Variants in CDH13 observed in about 807,000 individuals in gnomAD.
CDH13 encodes the protein cadherin 13, also known as cadherin-13.
In CDH13, 24 loss-of-function variants were observed where a neutral mutation model predicts 63.8. That is an observed-to-expected ratio of 0.38 (90% CI 0.27 to 0.53). The LOEUF is 0.53. Among genes scored for constraint, CDH13 ranks in the 20% least tolerant of loss-of-function variants. The pLI, the probability that CDH13 is intolerant of heterozygous loss-of-function variation, is 0.85. For synonymous variants in CDH13, 503 were observed against 355.3 expected, an observed-to-expected ratio of 1.42 and a Z score of -4.67; for missense variants, 1,049 against 903.1, an observed-to-expected ratio of 1.16 and a Z score of -2.07.
At chr16:83,608,746 A>C (rs902387340) in intron 8 of CDH13, among the ~76,000 whole-genome samples, 1 of 150,932 alleles carries the variant, frequency 6.6e-6, no homozygotes, top group African/African-American at 2.4e-5. Context: ...GGGCCCAAGC[A>C]ATCCACCCAC....
At chr16:82,702,674 C>T (rs867896225) in intron 1 of CDH13, among the ~76,000 whole-genome samples, 1 of 152,102 alleles carries the variant, frequency 6.6e-6, no homozygotes, top group Non-Finnish European at 1.5e-5. Context: ...TAATTGTCCC[C>T]CTCAATTCTG....
At chr16:83,407,920 C>G (rs1410881107) in intron 6 of CDH13, among the ~76,000 whole-genome samples, 1 of 152,144 alleles carries the variant, frequency 6.6e-6, no homozygotes, top group African/African-American at 2.4e-5. Context: ...CCATTTGCTT[C>G]TTGATTTCTT....
chr16:83,286,033 A>G lies in CDH13; in HGVS notation c.637-58829A>G, dbSNP rs368698359. 1.5e-3 allele frequency among the ~76,000 whole-genome samples: 222 copies of G among 152,270 alleles called. 1 individual carries two copies. Among genetic ancestry groups the G allele is most frequent in the Middle Eastern group, 0.014 (4 of 294 alleles). On this transcript the variant is annotated intron_variant, in intron 5 of 13. Coordinates refer to ENST00000567109, the MANE Select transcript of CDH13 (RefSeq NM_001257.5). The stretch of plus-strand genomic sequence containing the variant: ...GCCGTTGCCCAAGAAATAATGGCTC[A>G]GCCATCTTTACCCTGTCTCAAATGC...
chr16:83,549,347 G>A (rs1171293711), intron 7 of CDH13, among the ~76,000 whole-genome samples: 1 of 152,200 alleles, frequency 6.6e-6, no homozygotes, highest in Non-Finnish European at 1.5e-5. Context: ...TAAAATATCA[G>A]CTAGAAAGGA....
At chr16:83,748,282 A>T in intron 11 of CDH13, 32 bp downstream of exon 11, 1 of 1,559,460 alleles carries the variant, frequency 6.4e-7, no homozygotes, top group Non-Finnish European at 8.7e-7. Context: ...TCAAGGGTAT[A>T]CTTTTCTGCT....
intron 3 of CDH13, among the ~76,000 whole-genome samples, chr16:83,115,756 G>C (rs1001510968): frequency 6.6e-6 from 1 of 152,222 alleles, no homozygotes; most frequent in Non-Finnish European, 1.5e-5. Flanking sequence ...AGTTTGCCCA[G>C]AAGTTATGAA....
intron 7 of CDH13, among the ~76,000 whole-genome samples, chr16:83,524,350 T>C (rs959906029): frequency 6.6e-6 from 1 of 152,094 alleles, no homozygotes; most frequent in Non-Finnish European, 1.5e-5. Flanking sequence ...TATTATGGGT[T>C]CTTTACAATT....
At chr16:82,861,106 G>A (rs979507591) in intron 2 of CDH13, among the ~76,000 whole-genome samples, 1 of 152,120 alleles carries the variant, frequency 6.6e-6, no homozygotes, top group Non-Finnish European at 1.5e-5. Flanking sequence ...ACCAGAAAAT[G>A]TTAAATGCAT....
At chr16:83,636,428 T>G (rs1204902999) in intron 8 of CDH13, among the ~76,000 whole-genome samples, 1 of 152,174 alleles carries the variant, frequency 6.6e-6, no homozygotes, top group Non-Finnish European at 1.5e-5. Context: ...TTTTTCAACC[T>G]TTGCTCCTTC....
chr16:83,259,429 T>C (rs969447471), intron 5 of CDH13, among the ~76,000 whole-genome samples: 1 of 152,174 alleles, frequency 6.6e-6, no homozygotes, highest in African/African-American at 2.4e-5. Flanking sequence ...CAGGTATGGC[T>C]GTACCCACCT....
chr16:83,629,430 A>G (rs1054766740), intron 8 of CDH13, among the ~76,000 whole-genome samples: 1 of 152,232 alleles, frequency 6.6e-6, no homozygotes, highest in African/African-American at 2.4e-5. Context: ...AGCACTGGCT[A>G]CATTACAAAT....
At chr16:82,829,988 T>C (rs1434227293) in intron 1 of CDH13, among the ~76,000 whole-genome samples, 1 of 152,236 alleles carries the variant, frequency 6.6e-6, no homozygotes, top group Admixed American at 6.5e-5. Context: ...CATTATTATT[T>C]GCTGAACTTT....
intron 10 of CDH13, among the ~76,000 whole-genome samples, chr16:83,678,881 C>G (rs935981945): frequency 3.9e-5 from 6 of 152,178 alleles, no homozygotes; most frequent in African/African-American, 1.4e-4. Flanking sequence ...TGTGGATTCG[C>G]AGATTCGTAG....
chr16:82,887,839 A>G (rs953990268), intron 2 of CDH13, among the ~76,000 whole-genome samples: 2 of 152,010 alleles, frequency 1.3e-5, no homozygotes, highest in Admixed American at 1.3e-4. Context: ...AAAAGAAAGG[A>G]GAAGAGTGTC....
rs764486619 is a variant in CDH13 at position 83,083,764 on chromosome 16, C to A, written c.367-41621C>A. On this transcript the variant is annotated intron_variant, in intron 3 of 13. Coordinates refer to ENST00000567109, the MANE Select transcript of CDH13 (RefSeq NM_001257.5). The stretch of plus-strand genomic sequence containing the variant: ...AAGCTTAGAACTTTCTTACTCTTAG[C>A]AGCTCACTAGTTGTTTAACATACCT... Among the ~76,000 whole-genome samples the A allele has an allele frequency of 2.0e-5, 3 of 152,334 alleles. No individual in the cohort carries two copies. The East Asian group carries it at 5.8e-4, about 29-fold the overall frequency.
chr16:82,653,117 C>A lies in CDH13; in HGVS notation c.45+25980C>A, dbSNP rs117212929. ...TTGGGAGTACAACCACTTTGGAAAC[C>A]CATTTTGTTAATTTACCTTTGATAG... On this transcript the variant is annotated intron_variant, in intron 1 of 13. Coordinates refer to ENST00000567109, the MANE Select transcript of CDH13 (RefSeq NM_001257.5). 1.2e-3 allele frequency among the ~76,000 whole-genome samples: 186 copies of A among 152,196 alleles called. No homozygotes were observed. The East Asian group carries it at 0.016, about 13-fold the overall frequency.
At chr16:83,030,520 G>A (rs542589303) in intron 2 of CDH13, among the ~76,000 whole-genome samples, 1 of 151,586 alleles carries the variant, frequency 6.6e-6, no homozygotes, top group Non-Finnish European at 1.5e-5. Flanking sequence ...GCATGCATCT[G>A]TAATCCCAGC....
chr16:82,774,326 T>G (rs947427490), intron 1 of CDH13, among the ~76,000 whole-genome samples: 2 of 50,732 alleles, frequency 3.9e-5, no homozygotes, highest in African/African-American at 9.1e-5. Flanking sequence ...CAGTTCATTT[T>G]TTTTTTTTTT....
intron 1 of CDH13, among the ~76,000 whole-genome samples, chr16:82,661,802 G>A (rs1408751187): frequency 6.6e-6 from 1 of 152,260 alleles, no homozygotes; most frequent in Non-Finnish European, 1.5e-5. Context: ...ACACACAGAT[G>A]TGTGTCACAT....
Sources: gnomAD v4.1 joint callset for allele counts (sites outside exome capture counted in the v4.1 genomes callset) on GRCh38, gnomAD v4.1.1 for gene constraint, MANE v1.5 for transcripts, NCBI Gene and HGNC (gene_info 2026-07-23, HGNC 2026-07-21) for gene names.